The following ATG13 variants were observed in gnomAD, a reference collection of about 807,000 sequenced individuals.
The protein encoded by ATG13 is autophagy related 13, also known as autophagy-related protein 13.
A neutral mutation model predicts 65.5 loss-of-function variants in ATG13; 23 were observed. That is an observed-to-expected ratio of 0.35 (90% CI 0.25 to 0.50). The LOEUF (loss-of-function observed/expected upper bound fraction) is 0.50. Ranked by LOEUF, ATG13 falls within the 20% of genes least tolerant of loss-of-function variation. The probability of loss-of-function intolerance (pLI) is 0.98; values close to 1 mark genes in which losing one functional copy is unlikely to be tolerated. For synonymous variants in ATG13, 252 were observed against 245.2 expected, an observed-to-expected ratio of 1.03 and a Z score of -0.26; for missense variants, 566 against 677.0, an observed-to-expected ratio of 0.84 and a Z score of 1.82.
intron 2 of ATG13, among the ~76,000 whole-genome samples, chr11:46,635,562 A>G (rs1276577005): frequency 1.3e-5 from 2 of 152,200 alleles, no homozygotes; most frequent in Non-Finnish European, 2.9e-5. Flanking sequence ...AAGTTGTTCA[A>G]TTGCAGGTTT....
intron 5 of ATG13, chr11:46,648,622 A>T (rs1327045975): frequency 6.6e-6 from 1 of 152,222 alleles, no homozygotes; most frequent in Non-Finnish European, 1.5e-5. Flanking sequence ...CTAAAAATAC[A>T]AAAAATTAGC....
chr11:46,622,125 A>ATATATTTT (rs2047898207), intron 1 of ATG13, among the ~76,000 whole-genome samples: 8 of 79,044 alleles, frequency 1.0e-4, no homozygotes, highest in African/African-American at 3.8e-4. Flanking sequence ...ATATATATAT[A>ATATATTTT]TATTTATTTT....
intron 7 of ATG13, among the ~76,000 whole-genome samples, chr11:46,652,092 CA>C (rs1263040227): frequency 6.6e-6 from 1 of 151,886 alleles, no homozygotes; most frequent in African/African-American, 2.4e-5. Context: ...ACTAAAAATA[CA>C]AAAAATTAGC....
At chr11:46,667,428 C>T (rs755612715) in intron 14 of ATG13, among the ~76,000 whole-genome samples, 4 of 151,914 alleles carry the variant, frequency 2.6e-5, no homozygotes, top group South Asian at 2.1e-4. Context: ...TGATTGGGGG[C>T]GAGGAGAGGG....
intron 4 of ATG13, 66 bp downstream of exon 4, chr11:46,645,485 C>T (rs372958950): frequency 2.2e-6 from 3 of 1,350,982 alleles, no homozygotes; most frequent in Admixed American, 3.8e-5. Flanking sequence ...GTAAAGTTCT[C>T]AAGTGCAATA....
At chr11:46,621,484 G>A (rs1418402003) in intron 1 of ATG13, among the ~76,000 whole-genome samples, 2 of 152,134 alleles carry the variant, frequency 1.3e-5, no homozygotes, top group Non-Finnish European at 2.9e-5. Flanking sequence ...ATTCAGTCTT[G>A]TTTCTACCTG....
chr11:46,640,376 T>C lies in ATG13; in HGVS notation c.-13-3903T>C, dbSNP rs2055565990. ...AAATAAAAAATAGGTTCCATCAGAA[T>C]GGCAAGCCACCTCTGGGAGAAGATA... On this transcript the variant is annotated intron_variant, in intron 2 of 18. Transcript: ENST00000683050. Among the ~76,000 whole-genome samples, 2 of 152,250 alleles carry C rather than the reference T, an allele frequency of 1.3e-5. 1 individual carries two copies. Among genetic ancestry groups the C allele is most frequent in the Non-Finnish European group, 2.9e-5 (2 of 68,050 alleles).
chr11:46,641,730 G>A (rs1224258662), intron 2 of ATG13, among the ~76,000 whole-genome samples: 1 of 149,478 alleles, frequency 6.7e-6, no homozygotes, highest in East Asian at 2.0e-4. Flanking sequence ...CCCAAGATTT[G>A]TGCATTTCAG....
chr11:46,662,134 CT>C, intron 11 of ATG13, among the ~76,000 whole-genome samples: 1 of 152,318 alleles, frequency 6.6e-6, no homozygotes, highest in South Asian at 2.1e-4. Flanking sequence ...CAAAGACCTA[CT>C]TTCTTCCTAG....
At chr11:46,669,555 C>T in intron 18 of ATG13, 23 bp downstream of exon 18, 1 of 1,612,844 alleles carries the variant, frequency 6.2e-7, no homozygotes, top group Non-Finnish European at 8.5e-7. Context: ...CTTCCTCTAC[C>T]ACAGTGCATC....
chr11:46,646,096 T>C (rs1009281437), intron 5 of ATG13, 107 bp downstream of exon 5: 9 of 1,419,030 alleles, frequency 6.3e-6, no homozygotes, highest in Non-Finnish European at 8.6e-6. Flanking sequence ...TCTCTGATAT[T>C]CTTATCATTC....
At chr11:46,639,642 C>T (rs907472090) in intron 2 of ATG13, among the ~76,000 whole-genome samples, 5 of 152,018 alleles carry the variant, frequency 3.3e-5, no homozygotes, top group African/African-American at 4.8e-5. Context: ...CCCTCAAATC[C>T]GCCTCCCAGG....
At chr11:46,635,067 G>A (rs1483508259) in intron 2 of ATG13, among the ~76,000 whole-genome samples, 1 of 151,144 alleles carries the variant, frequency 6.6e-6, no homozygotes, top group African/African-American at 2.4e-5. Flanking sequence ...GAGTGCAAGG[G>A]TGCTGTCTGA....
chr11:46,641,505 C>A (rs1057089283), intron 2 of ATG13, among the ~76,000 whole-genome samples: 1 of 152,090 alleles, frequency 6.6e-6, no homozygotes, highest in Admixed American at 6.6e-5. Context: ...AAGCCACACA[C>A]AAAAAAGTTA....
chr11:46,656,950 T>A lies in ATG13; in HGVS notation c.500-145T>A, dbSNP rs151061388. ...ACATACACACACACACACACACACA[T>A]ATGAAATTAAGGCTGCTGCACTTAA... On this transcript the variant is annotated intron_variant, in intron 8 of 18. Transcript: ENST00000683050. The A allele has an allele frequency of 5.8e-6, 4 of 684,690 alleles. No individual in the cohort carries two copies. The East Asian group carries it at 1.0e-4, about 17-fold the overall frequency. The allele number at this position is 684,690 out of a possible 1,614,324, so 42.4% of individuals were successfully genotyped here. A position where few individuals can be genotyped will look rare whatever the true frequency, so the allele number is the denominator to read the frequency against.
Position 46,672,899 on chromosome 11 carries a change from A to ATAGAGGC in ATG13, c.*567_*568insTAGAGGC. ...TTGCCTCTATGCCTGTATTTCTGGC[A>ATAGAGGC]ATATGACAGGCCTGCCTACCCAAGA... On this transcript the variant is annotated 3_prime_UTR_variant, in exon 19 of 19. Transcript: ENST00000683050. 1 of 984,946 alleles carries ATAGAGGC rather than the reference A, an allele frequency of 1.0e-6. No individual in the cohort carries two copies. The highest frequency in any genetic ancestry group is 1.3e-6 in the Non-Finnish European group (1 of 755,800). 61.0% of individuals were successfully genotyped at this position (984,946 alleles called of 1,614,324 possible).
At chr11:46,618,979 G>C (rs1188581126) in intron 1 of ATG13, among the ~76,000 whole-genome samples, 1 of 152,056 alleles carries the variant, frequency 6.6e-6, no homozygotes, top group Non-Finnish European at 1.5e-5. Flanking sequence ...CACAGAGTCC[G>C]GCCCAGGAGC....
At position 46,657,509 on chromosome 11, in the gene ATG13, C is replaced by G. The variant is rs756042191; in HGVS notation, c.597-15C>G. ...GCATTCTAACAAATACTGGAATCTG[C>G]TTATTGTATTACAGGCAATTTGAGA... is the stretch of plus-strand genomic sequence containing the variant. On this transcript the variant is annotated splice_polypyrimidine_tract_variant and intron_variant, in intron 9 of 18. Transcript: ENST00000683050. 3 of 1,607,572 alleles carry G rather than the reference C, an allele frequency of 1.9e-6. No homozygotes were observed. The East Asian group carries it at 6.7e-5, about 36-fold the overall frequency.
chr11:46,664,995 G>T lies in ATG13; in HGVS notation c.999+36G>T, dbSNP rs555681456. 1.2e-4 allele frequency: 184 copies of T among 1,584,270 alleles called. 1 individual carries two copies. The South Asian group carries it at 2.0e-3, about 17-fold the overall frequency. ...AGATGGGGAGGACTATGGGTTTCCA[G>T]TGCTGCCTCCCCTGCCCGGAGGCAA... is the stretch of plus-strand genomic sequence containing the variant. On this transcript the variant is annotated intron_variant, in intron 13 of 18. Coordinates refer to ENST00000683050, the MANE Select transcript of ATG13 (RefSeq NM_001346311.2).
Sources: allele counts gnomAD v4.1 joint callset (sites outside exome capture counted in the v4.1 genomes callset), GRCh38; gene constraint gnomAD v4.1.1; transcripts MANE v1.5; gene names NCBI Gene and HGNC (gene_info 2026-07-23, HGNC 2026-07-21).